Variants in GPHN observed in about 807,000 individuals in gnomAD.
The protein encoded by GPHN is gephyrin.
In GPHN, 17 loss-of-function variants were observed where a neutral mutation model predicts 95.5. The observed-to-expected ratio is 0.18, with a 90% CI of 0.12 to 0.27. The LOEUF is 0.27. Ranked by LOEUF, GPHN falls within the 10% of genes least tolerant of loss-of-function variation. GPHN has a pLI of 1.00. For missense variants in GPHN, 660 were observed against 978.1 expected, an observed-to-expected ratio of 0.67 and a Z score of 4.34; for synonymous variants, 320 against 322.5, an observed-to-expected ratio of 0.99 and a Z score of 0.08.
Position 66,564,836 on chromosome 14 carries a change from C to T in GPHN, c.64+56245C>T, listed in dbSNP as rs75420340. On this transcript the variant is annotated intron_variant, in intron 1 of 22. Transcript: ENST00000478722. The stretch of plus-strand genomic sequence containing the variant: ...GCATATTTCAGTGTGTCATACACAC[C>T]CTACTATCAAATAATATTATCATTA... 3.7e-3 allele frequency among the ~76,000 whole-genome samples: 556 copies of T among 152,046 alleles called. 12 individuals carry two copies. Among genetic ancestry groups the T allele is most frequent in the African/African-American group, 0.013 (530 of 41,486 alleles).
At chr14:67,122,139 C>T in intron 16 of GPHN, 117 bp from the exon 17 acceptor site, 1 of 935,824 alleles carries the variant, frequency 1.1e-6, no homozygotes, top group Admixed American at 1.8e-5. Flanking sequence ...CTTCAAAATG[C>T]CAGATACCAT....
intron 1 of GPHN, among the ~76,000 whole-genome samples, chr14:66,647,407 T>C (rs1474414592): frequency 4.0e-5 from 6 of 151,618 alleles, no homozygotes; most frequent in Non-Finnish European, 8.8e-5. Flanking sequence ...ATTAAGGATG[T>C]ATAAATTTTA....
the GPHN span, among the ~76,000 whole-genome samples, chr14:67,284,547 T>TAGAAAAAAAAAA: frequency 4.3e-5 from 1 of 23,296 alleles, no homozygotes; most frequent in Non-Finnish European, 9.8e-5. Context: ...GCTGCAGTGC[T>TAGAAAAAAAAAA]AAAAAAAAAA....
At chr14:67,673,730 G>A in the GPHN span, among the ~76,000 whole-genome samples, 2 of 152,270 alleles carry the variant, frequency 1.3e-5, no homozygotes, top group African/African-American at 4.8e-5. Flanking sequence ...TATATCCGGA[G>A]GCCAAGAACT....
the GPHN span, chr14:67,340,549 G>T: frequency 1.7e-3 from 2,685 of 1,566,904 alleles, 28 homozygotes; most frequent in African/African-American, 0.025. Flanking sequence ...ATATGTGTGA[G>T]AACTTCAAAC....
chr14:67,371,474 G>T, the GPHN span, among the ~76,000 whole-genome samples: 1 of 152,068 alleles, frequency 6.6e-6, no homozygotes, highest in Non-Finnish European at 1.5e-5. Context: ...CAGTCATGTG[G>T]TGCTTAATGA....
the GPHN span, among the ~76,000 whole-genome samples, chr14:67,679,624 G>T: frequency 6.6e-6 from 1 of 152,048 alleles, no homozygotes; most frequent in African/African-American, 2.4e-5. Context: ...GGCTGGTCTC[G>T]AACTCCTGAC....
the GPHN span, among the ~76,000 whole-genome samples, chr14:67,496,396 T>TTTTTTTTG: frequency 8.5e-6 from 1 of 117,026 alleles, no homozygotes. Flanking sequence ...CCGGCGTTTT[T>TTTTTTTTG]TTTTTTTTTT....
the GPHN span, among the ~76,000 whole-genome samples, chr14:67,563,673 T>G: frequency 6.6e-6 from 1 of 151,346 alleles, no homozygotes; most frequent in South Asian, 2.1e-4. Flanking sequence ...CCTCAGGTGA[T>G]CCACCCTCTT....
chr14:67,589,616 T>G, the GPHN span: 1 of 986,012 alleles, frequency 1.0e-6, no homozygotes, highest in Admixed American at 6.1e-5. Flanking sequence ...GTTGACAGAC[T>G]CGTCTTTTGT....
At chr14:66,728,700 G>T (rs746430961) in intron 2 of GPHN, among the ~76,000 whole-genome samples, 1 of 152,208 alleles carries the variant, frequency 6.6e-6, no homozygotes, top group Non-Finnish European at 1.5e-5. Flanking sequence ...TTGTATCTAG[G>T]AAGTAACTAA....
the GPHN span, among the ~76,000 whole-genome samples, chr14:67,426,761 G>C: frequency 6.6e-6 from 1 of 152,210 alleles, no homozygotes; most frequent in Admixed American, 6.5e-5. Flanking sequence ...TTTCAGTGCA[G>C]ACGGGGTTTC....
intron 1 of GPHN, among the ~76,000 whole-genome samples, chr14:66,589,992 C>T (rs2061575328): frequency 6.6e-6 from 1 of 152,206 alleles, no homozygotes; most frequent in African/African-American, 2.4e-5. Flanking sequence ...GACCACAGTA[C>T]AATCAAATTA....
intron 1 of GPHN, among the ~76,000 whole-genome samples, chr14:66,545,477 A>T (rs1594899854): frequency 9.3e-6 from 1 of 107,550 alleles, no homozygotes; most frequent in East Asian, 3.1e-4. Context: ...GGCGCCCCTC[A>T]CCTCCCGGAC....
chr14:67,321,075 G>A, the GPHN span: 8 of 1,613,894 alleles, frequency 5.0e-6, no homozygotes, highest in African/African-American at 2.7e-5. Context: ...CGGAGTAGGC[G>A]AGACCAAGAA....
intron 1 of GPHN, among the ~76,000 whole-genome samples, chr14:66,559,799 C>T (rs1196890225): frequency 3.3e-5 from 5 of 152,020 alleles, no homozygotes; most frequent in Admixed American, 6.6e-5. Context: ...GTGTTTTAGA[C>T]ATGAAGTCCT....
chr14:67,343,250 T>C, the GPHN span: 6 of 681,166 alleles, frequency 8.8e-6, no homozygotes, highest in Non-Finnish European at 1.2e-5. Context: ...CTTTGCACTG[T>C]GGGCAAGGGA....
chr14:67,236,112 G>A, the GPHN span, among the ~76,000 whole-genome samples: 1 of 152,058 alleles, frequency 6.6e-6, no homozygotes, highest in African/African-American at 2.4e-5. Flanking sequence ...AGTCTCTTAA[G>A]TATACTAAAG....
intron 9 of GPHN, among the ~76,000 whole-genome samples, chr14:67,011,342 G>A (rs2072990275): frequency 6.6e-6 from 1 of 151,490 alleles, no homozygotes; most frequent in South Asian, 2.1e-4. Flanking sequence ...GTAGGCCAAG[G>A]CAGGAGAATC....
Sources: allele counts gnomAD v4.1 joint callset (sites outside exome capture counted in the v4.1 genomes callset), GRCh38; gene constraint gnomAD v4.1.1; transcripts MANE v1.5; gene names NCBI Gene and HGNC (gene_info 2026-07-23, HGNC 2026-07-21).